The following SLC12A9 variants were observed in gnomAD, a reference collection of about 807,000 sequenced individuals.
SLC12A9 encodes the protein solute carrier family 12 member 9, also known as CCC-interacting protein 1.
In SLC12A9, 55 loss-of-function variants were observed where a neutral mutation model predicts 66.0. That is an observed-to-expected ratio of 0.83 (90% CI 0.67 to 1.04). The LOEUF is 1.04. Among genes scored for constraint, SLC12A9 ranks in the 50% least tolerant of loss-of-function variants. The probability of loss-of-function intolerance (pLI) is 0.00; values close to 1 mark genes in which losing one functional copy is unlikely to be tolerated. For synonymous variants in SLC12A9, 577 were observed against 569.0 expected (o/e 1.01, Z -0.20); for missense variants, 1,061 against 1,241.9 (o/e 0.85, Z 2.19).
chr7:100,853,961 T>G (rs1367574738), intron 1 of SLC12A9, among the ~76,000 whole-genome samples, 195 bp from the exon 2 acceptor site: 2 of 152,142 alleles, frequency 1.3e-5, no homozygotes, highest in East Asian at 3.9e-4. Flanking sequence ...ACTCCTGACC[T>G]CAGGTGATCC....
At chr7:100,828,657 GCTTC>G (rs1813479250) in intron 1 of SLC12A9, among the ~76,000 whole-genome samples, 1 of 152,042 alleles carries the variant, frequency 6.6e-6, no homozygotes, top group Non-Finnish European at 1.5e-5. Context: ...TTTTGGGGGG[GCTTC>G]CCCGCCGCCC....
chr7:100,833,932 CAAAAAAAAAAAAAA>C (rs60667059), intron 1 of SLC12A9, among the ~76,000 whole-genome samples: 30,973 of 63,608 alleles, frequency 0.49, 4,443 homozygotes, highest in East Asian at 0.68. Flanking sequence ...GACTCTGTCT[CAAAAAAAAAAAAAA>C]AAAAAAAAAA....
intron 1 of SLC12A9, among the ~76,000 whole-genome samples, chr7:100,839,130 T>G (rs1199707555): frequency 6.6e-6 from 1 of 152,108 alleles, no homozygotes; most frequent in Non-Finnish European, 1.5e-5. Flanking sequence ...GAGACCATCC[T>G]GGCTAACACG....
chr7:100,859,779 C>T (rs1001677928), intron 7 of SLC12A9, 106 bp from the exon 8 acceptor site: 8 of 1,324,178 alleles, frequency 6.0e-6, no homozygotes, highest in Non-Finnish European at 7.3e-6. Context: ...CCAGGCATAT[C>T]CCTTTAGCAC....
At chr7:100,827,338 G>A (rs953169917) in intron 1 of SLC12A9, 2 of 151,436 alleles carry the variant, frequency 1.3e-5, no homozygotes, top group African/African-American at 4.8e-5. Context: ...CGGGTGGCGG[G>A]GGCTGAGCCG....
At position 100,866,026 on chromosome 7, in the gene SLC12A9, C is replaced by T; in HGVS notation, c.2166C>T (p.His722=). ...GGTCTGGGGGCACCTCTCAGCTGCA[C>T]CATGTGGACGTGTGGCCCCTCAACC... The part of the protein sequence containing the change: ...SRGSGGTSQL[H]HVDVWPLNLL... The change falls in exon 14 of 14, where the codon CAC becomes CAT. Residue 722 remains histidine, a synonymous_variant. Coordinates refer to ENST00000354161, the MANE Select transcript of SLC12A9 (RefSeq NM_020246.4). The surrounding 1 kb of genome is among the most constrained non-coding windows in gnomAD (Gnocchi z 7.3). The T allele has an allele frequency of 6.2e-7, 1 of 1,612,806 alleles. No individual in the cohort carries two copies. Among genetic ancestry groups the T allele is most frequent in the Non-Finnish European group, 8.5e-7 (1 of 1,179,854 alleles).
At chr7:100,859,753 G>A (rs1814625389) in intron 7 of SLC12A9, 132 bp from the exon 8 acceptor site, 1 of 1,123,722 alleles carries the variant, frequency 8.9e-7, no homozygotes, top group Non-Finnish European at 1.3e-6. Context: ...TTAAATCCAA[G>A]GCTGCCCAAT....
chr7:100,839,393 C>G (rs910727258), intron 1 of SLC12A9, among the ~76,000 whole-genome samples: 1 of 152,122 alleles, frequency 6.6e-6, no homozygotes, highest in African/African-American at 2.4e-5. Flanking sequence ...TGCTGATGCC[C>G]CTGGCCGAAT....
chr7:100,857,296 G>C, intron 5 of SLC12A9, 120 bp downstream of exon 5: 4 of 1,129,222 alleles, frequency 3.5e-6, no homozygotes, highest in South Asian at 1.5e-5. Flanking sequence ...AGGAGGTCTG[G>C]ACTGCAGAGC....
At chr7:100,839,737 A>G (rs982785330) in intron 1 of SLC12A9, among the ~76,000 whole-genome samples, 4 of 152,152 alleles carry the variant, frequency 2.6e-5, no homozygotes, top group African/African-American at 9.7e-5. Context: ...TGGTAAGACT[A>G]GTCTTTGAAA....
chr7:100,865,694 C>T (rs1815035523), intron 13 of SLC12A9, 25 bp from the exon 14 acceptor site: 2 of 1,584,908 alleles, frequency 1.3e-6, no homozygotes, highest in Non-Finnish European at 1.7e-6. Flanking sequence ...CCTGTCTGTT[C>T]CTGCCTTCCC....
intron 1 of SLC12A9, among the ~76,000 whole-genome samples, chr7:100,839,767 G>A (rs756533925): frequency 2.6e-5 from 4 of 152,156 alleles, no homozygotes; most frequent in Non-Finnish European, 4.4e-5. Flanking sequence ...TCCAGGCCAG[G>A]TGTGGTGCCT....
intron 1 of SLC12A9, among the ~76,000 whole-genome samples, chr7:100,835,288 G>A (rs1471921796): frequency 6.6e-6 from 1 of 150,838 alleles, no homozygotes; most frequent in Non-Finnish European, 1.5e-5. Context: ...CTGGGAGGTA[G>A]AGGTTGCAGT....
chr7:100,834,787 C>T (rs1356893317), intron 1 of SLC12A9, among the ~76,000 whole-genome samples: 1 of 152,162 alleles, frequency 6.6e-6, no homozygotes, highest in Non-Finnish European at 1.5e-5. Flanking sequence ...GTGAGAGGAT[C>T]ACCCGAGCCC....
chr7:100,859,905 A>G lies in SLC12A9; in HGVS notation c.998A>G (p.Tyr333Cys), dbSNP rs1814638332. 1.9e-6 allele frequency: 3 copies of G among 1,603,796 alleles called. No homozygotes were observed. The highest frequency in any genetic ancestry group is 2.2e-5 in the East Asian group (1 of 44,514). The change falls in exon 8 of 14, where the codon TAT (tyrosine) becomes TGT (cysteine). Residue 333 changes from tyrosine (Y) to cysteine (C), a missense_variant. Tyr to Cys is a radical substitution (Grantham distance 194). Coordinates refer to ENST00000354161, the MANE Select transcript of SLC12A9 (RefSeq NM_020246.4). ...TCDRTLLQED[Y>C]GFFRAISLWP... The stretch of plus-strand genomic sequence containing the variant: ...CCTAGGACCCTGCTGCAGGAAGACT[A>G]TGGGTTCTTCCGCGCCATCAGCCTG...
rs772006582 is a variant in SLC12A9 at position 100,861,530 on chromosome 7, G to T, written c.1482G>T (p.Ala494=). 25 of 1,613,638 alleles carry T rather than the reference G, an allele frequency of 1.5e-5. No individual in the cohort carries two copies. The Middle Eastern group carries it at 8.3e-4, about 54-fold the overall frequency. The change falls in exon 11 of 14, where the codon GCG becomes GCT. Residue 494 remains alanine (A), a synonymous_variant. Coordinates refer to ENST00000354161, the MANE Select transcript of SLC12A9 (RefSeq NM_020246.4). This position sits in a 1 kb window ranked among gnomAD's most constrained non-coding sequence, Gnocchi z 5.3. ...LMGLLAALLT[A]RGGPSSWGYV... ...GTCTGCTGGCTGCCCTGCTCACCGC[G>T]CGAGGAGGCCCCAGTAGCTGGGGCT...
chr7:100,829,149 G>A (rs1202750638), intron 1 of SLC12A9, among the ~76,000 whole-genome samples: 2 of 151,992 alleles, frequency 1.3e-5, no homozygotes, highest in Non-Finnish European at 2.9e-5. Flanking sequence ...CACCAACCCC[G>A]GCTAGTTTTC....
chr7:100,855,587 G>A, intron 3 of SLC12A9, 119 bp from the exon 4 acceptor site: 1 of 1,363,490 alleles, frequency 7.3e-7, no homozygotes, highest in Non-Finnish European at 1.0e-6. Flanking sequence ...TGAGTGACTT[G>A]GGCAAAGCCA....
intron 1 of SLC12A9, among the ~76,000 whole-genome samples, chr7:100,841,901 G>C (rs56181548): frequency 0.082 from 12,483 of 152,114 alleles, 742 homozygotes; most frequent in African/African-American, 0.17. Context: ...AAAACAAAAA[G>C]ACATTTTCTT....
Sources: gnomAD v4.1 joint callset for allele counts (sites outside exome capture counted in the v4.1 genomes callset) on GRCh38, gnomAD v4.1.1 for gene constraint, Gnocchi (gnomAD v3.1) non-coding constraint, MANE v1.5 for transcripts, NCBI Gene and HGNC (gene_info 2026-07-23, HGNC 2026-07-21) for gene names.